HERC4: variants seen among roughly 807,000 people sequenced by gnomAD.
The protein encoded by HERC4 is probable E3 ubiquitin-protein ligase HERC4.
HERC4 carries 28 observed loss-of-function variants against 124.3 expected under a neutral mutation model. The ratio of observed to expected loss-of-function variants is 0.23; its 90% CI spans 0.17 to 0.31. HERC4 has a LOEUF of 0.31. Ranked by LOEUF, HERC4 falls within the 10% of genes least tolerant of loss-of-function variation. The pLI is 1.00. For missense variants in HERC4, 713 were observed against 1,229.3 expected (o/e 0.58, Z 6.28); for synonymous variants, 407 against 421.5 (o/e 0.97, Z 0.42).
rs78006954 is a variant in HERC4 at position 68,061,121 on chromosome 10, T to C, written c.226+11762A>G. On this transcript the variant is annotated intron_variant, in intron 3 of 24. Coordinates refer to ENST00000373700, the MANE Select transcript of HERC4 (RefSeq NM_015601.4). ...TATTTCCCAATAGCTCTTGCCTACA[T>C]TGCCCGCATATATACAACTTATAGT... Among the ~76,000 whole-genome samples the C allele has an allele frequency of 2.4e-3, 366 of 152,258 alleles. 1 individual carries two copies. The highest frequency in any genetic ancestry group is 8.3e-3 in the African/African-American group (344 of 41,558).
chr10:68,007,726 A>T (rs1433510414), intron 9 of HERC4: 1 of 151,322 alleles, frequency 6.6e-6, no homozygotes, highest in Admixed American at 6.6e-5. Flanking sequence ...TAAGAGACAG[A>T]GTCTCACTAT....
intron 15 of HERC4, among the ~76,000 whole-genome samples, chr10:67,970,806 A>G (rs1451971348): frequency 6.6e-6 from 1 of 152,044 alleles, no homozygotes; most frequent in Non-Finnish European, 1.5e-5. Context: ...AAATGATCAT[A>G]TTAGAAATAA....
At chr10:68,056,720 A>T (rs2040567699) in intron 3 of HERC4, among the ~76,000 whole-genome samples, 1 of 152,188 alleles carries the variant, frequency 6.6e-6, no homozygotes, top group African/African-American at 2.4e-5. Context: ...CACAGTTCTC[A>T]TGTACACCAG....
chr10:68,059,733 CATAATATTATATATT>C (rs1379062350), intron 3 of HERC4, among the ~76,000 whole-genome samples: 5 of 38,420 alleles, frequency 1.3e-4, no homozygotes, highest in Admixed American at 5.0e-4. Context: ...TATTATATAT[CATAATATTATATATT>C]ATAATATTAT....
Position 67,975,677 on chromosome 10 carries a change from G to T in HERC4, c.1807-8875C>A, listed in dbSNP as rs1050096030. On this transcript the variant is annotated intron_variant, in intron 15 of 24. Coordinates refer to ENST00000373700, the MANE Select transcript of HERC4 (RefSeq NM_015601.4). Reference sequence around the variant, plus strand: ...CACATGCATTCTTAACTCACTATATGACTGTCCAATTTGCTTGATCTTGTG... The same window carrying T: ...CACATGCATTCTTAACTCACTATATTACTGTCCAATTTGCTTGATCTTGTG... Among the ~76,000 whole-genome samples the T allele has an allele frequency of 2.0e-5, 3 of 152,104 alleles. No individual in the cohort carries two copies. The East Asian group carries it at 5.8e-4, about 29-fold the overall frequency.
intron 8 of HERC4, among the ~76,000 whole-genome samples, chr10:68,017,237 C>A (rs925050143): frequency 6.6e-6 from 1 of 152,108 alleles, no homozygotes; most frequent in Non-Finnish European, 1.5e-5. Context: ...GTCCCAAGAA[C>A]GAGATATGTA....
At chr10:67,929,850 T>C (rs2031587245) in intron 23 of HERC4, among the ~76,000 whole-genome samples, 1 of 145,452 alleles carries the variant, frequency 6.9e-6, no homozygotes, top group African/African-American at 2.8e-5. Context: ...TTCACTCTTG[T>C]TGCCCAGGCT....
intron 8 of HERC4, among the ~76,000 whole-genome samples, chr10:68,024,804 C>T (rs114140216): frequency 7.0e-4 from 107 of 152,202 alleles, no homozygotes; most frequent in African/African-American, 2.5e-3. Context: ...CAATTTAATT[C>T]CCCCAAAGAT....
intron 9 of HERC4, chr10:68,010,768 C>A: frequency 6.7e-7 from 1 of 1,495,602 alleles, no homozygotes; most frequent in East Asian, 2.3e-5. Flanking sequence ...ATAGAACCCC[C>A]AGGGTAAGCC....
In HERC4 at chr10:67,921,980, T is replaced by G. The variant is rs965244291; in HGVS notation, c.*951A>C. On this transcript the variant is annotated 3_prime_UTR_variant, in exon 25 of 25. Coordinates refer to ENST00000373700, the MANE Select transcript of HERC4 (RefSeq NM_015601.4). The stretch of plus-strand genomic sequence containing the variant: ...AAAATAAATTTAAAAAATAAATATT[T>G]GCATTATAGCAGAAAGTCACATGTA... 4 of 152,194 alleles carry G rather than the reference T, an allele frequency of 2.6e-5. No individual in the cohort carries two copies. The highest frequency in any genetic ancestry group is 9.6e-5 in the African/African-American group (4 of 41,458). 9.4% of individuals were successfully genotyped at this position (152,194 alleles called of 1,614,324 possible).
chr10:68,062,897 C>T (rs1185004041), intron 3 of HERC4, among the ~76,000 whole-genome samples: 1 of 152,056 alleles, frequency 6.6e-6, no homozygotes, highest in Non-Finnish European at 1.5e-5. Flanking sequence ...AATAGATATT[C>T]ACCAAATTAA....
In HERC4 at chr10:68,002,422, A is replaced by AAAAAAATGAATGAGAAATGAATGAG. The variant is rs370564505; in HGVS notation, c.1070-9741_1070-9740insCTCATTCATTTCTCATTCATTTTTT. Among the ~76,000 whole-genome samples, 275 of 152,228 alleles carry AAAAAAATGAATGAGAAATGAATGAG rather than the reference A, an allele frequency of 1.8e-3. 2 individuals are homozygous for AAAAAAATGAATGAGAAATGAATGAG. Among genetic ancestry groups the AAAAAAATGAATGAGAAATGAATGAG allele is most frequent in the African/African-American group, 6.2e-3 (257 of 41,542 alleles). On this transcript the variant is annotated intron_variant, in intron 9 of 24. Coordinates refer to ENST00000373700, the MANE Select transcript of HERC4 (RefSeq NM_015601.4). ...AAGGACATTTTGGTTTCAGGTTGTC[A>AAAAAAATGAATGAGAAATGAATGAG]AAAAAATGAATGAGAAAACAGCATT...
At chr10:68,063,639 AT>A (rs2041147857) in intron 3 of HERC4, among the ~76,000 whole-genome samples, 1 of 152,126 alleles carries the variant, frequency 6.6e-6, no homozygotes, top group Non-Finnish European at 1.5e-5. Flanking sequence ...TTTTTCCTAA[AT>A]AAATAAACAG....
intron 15 of HERC4, among the ~76,000 whole-genome samples, chr10:67,979,894 G>A (rs2035825286): frequency 6.6e-6 from 1 of 151,452 alleles, no homozygotes; most frequent in African/African-American, 2.4e-5. Flanking sequence ...CCGAGATAGT[G>A]CCACTGCATT....
At chr10:67,950,982 TTACCG>T (rs559632935) in intron 19 of HERC4, among the ~76,000 whole-genome samples, 422 of 152,262 alleles carry the variant, frequency 2.8e-3, no homozygotes, top group Non-Finnish European at 4.7e-3. Flanking sequence ...CCTGGAATGT[TTACCG>T]TACCAAATGT....
At chr10:67,934,512 T>G (rs1197947444) in intron 22 of HERC4, among the ~76,000 whole-genome samples, 1 of 152,158 alleles carries the variant, frequency 6.6e-6, no homozygotes, top group Non-Finnish European at 1.5e-5. Flanking sequence ...GGTGGTTGTT[T>G]TTTTAATCCT....
intron 3 of HERC4, among the ~76,000 whole-genome samples, chr10:68,062,623 G>T (rs2041087996): frequency 6.6e-6 from 1 of 151,940 alleles, no homozygotes; most frequent in South Asian, 2.1e-4. Flanking sequence ...AGCCGGGTGT[G>T]GTGGTGGGTG....
chr10:68,008,747 T>A lies in HERC4; in HGVS notation c.1069+5279A>T, dbSNP rs969045560. On this transcript the variant is annotated intron_variant, in intron 9 of 24. Coordinates refer to ENST00000373700, the MANE Select transcript of HERC4 (RefSeq NM_015601.4). Reference sequence around the variant, plus strand: ...ACACCTACATCCATAGCAGCATTATTCACAATAGCCAAAAGGTAGAAACAA... The same window carrying A: ...ACACCTACATCCATAGCAGCATTATACACAATAGCCAAAAGGTAGAAACAA... Among the ~76,000 whole-genome samples the A allele has an allele frequency of 2.0e-5, 3 of 152,174 alleles. No individual in the cohort carries two copies. The East Asian group carries it at 5.8e-4, about 29-fold the overall frequency.
chr10:68,003,733 ACAC>A (rs1459889396), intron 9 of HERC4, among the ~76,000 whole-genome samples: 3 of 151,926 alleles, frequency 2.0e-5, no homozygotes, highest in African/African-American at 4.8e-5. Context: ...GTGTATATAT[ACAC>A]CACATTTTCT....
Sources: gnomAD v4.1 joint callset for allele counts (sites outside exome capture counted in the v4.1 genomes callset) on GRCh38, gnomAD v4.1.1 for gene constraint, MANE v1.5 for transcripts, NCBI Gene and HGNC (gene_info 2026-07-23, HGNC 2026-07-21) for gene names.